The following CNOT4 variants were observed in gnomAD, a reference collection of about 807,000 sequenced individuals.
CNOT4 encodes the protein CCR4-associated factor 4.
Under a neutral mutation model 73.8 loss-of-function variants are expected in CNOT4, and 8 were observed. The ratio of observed to expected loss-of-function variants is 0.11; its 90% CI spans 0.06 to 0.20. The LOEUF is 0.20. Among genes scored for constraint, CNOT4 ranks in the 10% least tolerant of loss-of-function variants. The pLI, the probability that CNOT4 is intolerant of heterozygous loss-of-function variation, is 1.00. For missense variants in CNOT4, 564 were observed against 883.4 expected, an observed-to-expected ratio of 0.64 and a Z score of 4.58; for synonymous variants, 293 against 321.1, an observed-to-expected ratio of 0.91 and a Z score of 0.94.
chr7:135,364,155 GAGA>G lies in CNOT4; in HGVS notation c.1628-92_1628-90del. The G allele has an allele frequency of 1.0e-6, 1 of 952,946 alleles. No homozygotes were observed. The highest frequency in any genetic ancestry group is 1.6e-6 in the Non-Finnish European group (1 of 634,902). The allele number at this position is 952,946 out of a possible 1,614,324, so 59.0% of individuals were successfully genotyped here. On this transcript the variant is annotated intron_variant, in intron 10 of 11. Transcript: ENST00000541284. This position sits in a 1 kb window ranked among gnomAD's most constrained non-coding sequence, Gnocchi z 4.3. The stretch of plus-strand genomic sequence containing the variant: ...ATGTTGTTCTTTAGTGGTTAAGCGG[GAGA>G]AGAATTATTCTTTCTTTATTGAGCA...
chr7:135,445,070 T>C (rs1173264496), intron 1 of CNOT4: 1 of 744,010 alleles, frequency 1.3e-6, no homozygotes, highest in Non-Finnish European at 2.4e-6. Flanking sequence ...ACAAGGTTAT[T>C]TTCAGAATTT....
intron 10 of CNOT4, chr7:135,387,914 T>C (rs1264574365): frequency 3.1e-6 from 3 of 961,488 alleles, no homozygotes; most frequent in Non-Finnish European, 2.5e-6. Flanking sequence ...TATAATATTA[T>C]CTTATTATCA....
chr7:135,458,859 T>C lies in CNOT4; in HGVS notation c.-92-20436A>G, dbSNP rs563623192. On this transcript the variant is annotated intron_variant, in intron 1 of 11. Coordinates refer to ENST00000541284, the MANE Select transcript of CNOT4 (RefSeq NM_001190850.2). ...GTCTTAAACCTCTCAAAGTCATCCA[T>C]GAGAGATGAAATCAACTTCTTCCAA... Among the ~76,000 whole-genome samples the C allele has an allele frequency of 1.4e-4, 22 of 152,168 alleles. 1 individual carries two copies. The South Asian group carries it at 2.5e-3, about 17-fold the overall frequency.
chr7:135,427,879 G>A (rs1798593365), intron 2 of CNOT4, among the ~76,000 whole-genome samples: 1 of 152,080 alleles, frequency 6.6e-6, no homozygotes, highest in South Asian at 2.1e-4. Context: ...ACAATAAATG[G>A]GGTAGGGAGA....
intron 2 of CNOT4, among the ~76,000 whole-genome samples, chr7:135,432,607 TC>T (rs1798911585): frequency 6.6e-6 from 1 of 152,232 alleles, no homozygotes; most frequent in African/African-American, 2.4e-5. Context: ...ACAGCTGTCA[TC>T]CTTTCCCCAG....
chr7:135,435,512 TTTTTA>T (rs1392365325), intron 2 of CNOT4, among the ~76,000 whole-genome samples: 1 of 152,214 alleles, frequency 6.6e-6, no homozygotes, highest in Non-Finnish European at 1.5e-5. Context: ...TAATTTGTTC[TTTTTA>T]TAAGGAAATA....
intron 1 of CNOT4, among the ~76,000 whole-genome samples, chr7:135,438,750 C>CTAGG (rs1799303313): frequency 6.6e-6 from 1 of 152,114 alleles, no homozygotes; most frequent in African/African-American, 2.4e-5. Flanking sequence ...TCATCTTTGA[C>CTAGG]CTAAAACCTA....
chr7:135,377,136 C>A (rs1173031132), intron 10 of CNOT4, among the ~76,000 whole-genome samples: 1 of 152,092 alleles, frequency 6.6e-6, no homozygotes, highest in Non-Finnish European at 1.5e-5. Context: ...AGCATTGATA[C>A]TCTGAAACTC....
intron 10 of CNOT4, among the ~76,000 whole-genome samples, chr7:135,379,555 T>C (rs555881823): frequency 2.7e-4 from 41 of 152,298 alleles, no homozygotes; most frequent in African/African-American, 9.4e-4. Flanking sequence ...GAGTAGGGTA[T>C]GTGTGTGCCT....
Position 135,388,621 on chromosome 7 carries a change from T to A in CNOT4, c.1627+5297A>T, listed in dbSNP as rs996291200. On this transcript the variant is annotated intron_variant, in intron 10 of 11. Coordinates refer to ENST00000541284, the MANE Select transcript of CNOT4 (RefSeq NM_001190850.2). ...CTAATAAATTATGTTAAAGGCCTAA[T>A]GAAGAAATACTTCAACAACTATGAG... The A allele has an allele frequency of 8.0e-6, 10 of 1,245,838 alleles. No individual in the cohort carries two copies. In the Admixed American group the frequency reaches 1.5e-4, roughly 19 times the overall value. The allele number at this position is 1,245,838 out of a possible 1,614,324, so 77.2% of individuals were successfully genotyped here.
At chr7:135,436,635 T>C (rs1268656079) in intron 2 of CNOT4, among the ~76,000 whole-genome samples, 1 of 150,880 alleles carries the variant, frequency 6.6e-6, no homozygotes, top group Non-Finnish European at 1.5e-5. Flanking sequence ...ATTATATATA[T>C]ACAAATTATA....
At chr7:135,482,201 T>C (rs1261613194) in intron 1 of CNOT4, among the ~76,000 whole-genome samples, 2 of 152,160 alleles carry the variant, frequency 1.3e-5, no homozygotes, top group Non-Finnish European at 2.9e-5. Context: ...TCCATAAATA[T>C]ATGATATTAT....
At chr7:135,496,089 T>C (rs557820405) in intron 1 of CNOT4, among the ~76,000 whole-genome samples, 1 of 152,212 alleles carries the variant, frequency 6.6e-6, no homozygotes, top group South Asian at 2.1e-4. Context: ...GACTAAATAG[T>C]TTTTGTTTTT....
intron 10 of CNOT4, among the ~76,000 whole-genome samples, chr7:135,378,687 T>C (rs1355194896): frequency 6.6e-6 from 1 of 150,512 alleles, no homozygotes; most frequent in African/African-American, 2.4e-5. Flanking sequence ...ACTTCTCTCC[T>C]TTGAAGAGGG....
At chr7:135,505,723 A>C (rs1804325530) in intron 1 of CNOT4, among the ~76,000 whole-genome samples, 1 of 152,220 alleles carries the variant, frequency 6.6e-6, no homozygotes, top group Admixed American at 6.5e-5. Flanking sequence ...ATAAAAAGAA[A>C]AATATGCTGC....
intron 10 of CNOT4, among the ~76,000 whole-genome samples, chr7:135,392,262 ATACTT>A (rs1563021300): frequency 2.0e-5 from 3 of 152,112 alleles, no homozygotes; most frequent in Non-Finnish European, 2.9e-5. Flanking sequence ...CTCTTCAACT[ATACTT>A]TAAGTATGTG....
intron 1 of CNOT4, among the ~76,000 whole-genome samples, chr7:135,481,920 G>A (rs1427950001): frequency 1.3e-5 from 2 of 152,134 alleles, no homozygotes; most frequent in African/African-American, 2.4e-5. Flanking sequence ...ATAGATACTA[G>A]AGGCTGCAGA....
intron 2 of CNOT4, among the ~76,000 whole-genome samples, chr7:135,427,016 C>T (rs973430325): frequency 7.3e-5 from 11 of 151,598 alleles, no homozygotes; most frequent in African/African-American, 2.7e-4. Context: ...TGAAAAGTTA[C>T]AAGCAGAAAA....
intron 1 of CNOT4, among the ~76,000 whole-genome samples, chr7:135,490,005 T>C (rs1177235991): frequency 6.6e-6 from 1 of 152,210 alleles, no homozygotes; most frequent in Non-Finnish European, 1.5e-5. Flanking sequence ...GAAGTTCTTT[T>C]TATGCCAACC....
Sources: allele counts gnomAD v4.1 joint callset (sites outside exome capture counted in the v4.1 genomes callset), GRCh38; gene constraint gnomAD v4.1.1; non-coding constraint Gnocchi (gnomAD v3.1); transcripts MANE v1.5; gene names NCBI Gene and HGNC (gene_info 2026-07-23, HGNC 2026-07-21).